The following ATP11A variants were observed in gnomAD, a reference collection of about 807,000 sequenced individuals.
ATP11A encodes ATPase phospholipid transporting 11A.
A neutral mutation model predicts 154.4 loss-of-function variants in ATP11A; 81 were observed. The ratio of observed to expected loss-of-function variants is 0.52; its 90% confidence interval spans 0.44 to 0.63. ATP11A has a LOEUF of 0.63. Among genes scored for constraint, ATP11A ranks in the 30% least tolerant of loss-of-function variants. ATP11A has a pLI of 0.00. For missense variants in ATP11A, 1,316 were observed against 1,474.3 expected (o/e 0.89, Z 1.76); for synonymous variants, 623 against 585.9 (o/e 1.06, Z -0.91).
chr13:112,835,970 C>T lies in ATP11A; in HGVS notation c.1632-208C>T, dbSNP rs143719453. On this transcript the variant is annotated intron_variant, in intron 15 of 29. Coordinates refer to ENST00000375645, the MANE Select transcript of ATP11A (RefSeq NM_015205.3). Reference sequence around the variant, plus strand: ...CGGTGCCACAGGGCCCAGACTCTGCCCCACTGGGTACACCTGCTGCGTCCT... The same window carrying T: ...CGGTGCCACAGGGCCCAGACTCTGCTCCACTGGGTACACCTGCTGCGTCCT... 7.2e-4 allele frequency among the ~76,000 whole-genome samples: 109 copies of T among 152,266 alleles called. No homozygotes were observed. In the East Asian group the frequency reaches 0.016, roughly 22 times the overall value.
At position 112,838,689 on chromosome 13, in the gene ATP11A, G is replaced by A. The variant is rs1225007887; in HGVS notation, c.1705+2438G>A. 6.6e-6 allele frequency among the ~76,000 whole-genome samples: 1 copy of A among 152,200 alleles called. No individual in the cohort carries two copies. On this transcript the variant is annotated intron_variant, in intron 16 of 29. Coordinates refer to ENST00000375645, the MANE Select transcript of ATP11A (RefSeq NM_015205.3). This position sits in a 1 kb window ranked among gnomAD's most constrained non-coding sequence, Gnocchi z 7.3. ...CGAAGAATCCGGGTTGGAGGCATTT[G>A]TGCCATGAGAATATCCCTATCCGCA...
At chr13:112,698,565 T>C (rs1408712180) in intron 1 of ATP11A, among the ~76,000 whole-genome samples, 2 of 152,166 alleles carry the variant, frequency 1.3e-5, no homozygotes, top group African/African-American at 2.4e-5. Context: ...GGCTCACTCA[T>C]GCAGGGATGC....
At chr13:112,857,081 G>A (rs1346550393) in intron 20 of ATP11A, among the ~76,000 whole-genome samples, 2 of 152,170 alleles carry the variant, frequency 1.3e-5, no homozygotes, top group African/African-American at 4.8e-5. Context: ...CGCTCTTCAT[G>A]TATTCCATAG....
chr13:112,831,508 G>C lies in ATP11A; in HGVS notation c.1355G>C (p.Gly452Ala). ...GGGCAGGTCCTCCCAGAGTCGTCAG[G>C]AATCGACATGATTGACTCGTCCCCC... ...CNGQVLPESSGIDMIDSSPSV... is the reference protein window; with the variant it reads ...CNGQVLPESSAIDMIDSSPSV... Residue 452 changes from glycine (G) to alanine (A), a missense_variant, in exon 13 of 30, where the codon GGA (glycine) becomes GCA (alanine). By Grantham distance (60) the Gly-to-Ala change is moderately conservative. Transcript: ENST00000375645. The C allele has an allele frequency of 6.2e-7, 1 of 1,614,184 alleles. No homozygotes were observed. Among genetic ancestry groups the C allele is most frequent in the Non-Finnish European group, 8.5e-7 (1 of 1,180,030 alleles).
At chr13:112,692,594 C>G (rs1313517324) in intron 1 of ATP11A, among the ~76,000 whole-genome samples, 2 of 152,170 alleles carry the variant, frequency 1.3e-5, no homozygotes, top group African/African-American at 4.8e-5. Flanking sequence ...GGTAAATATT[C>G]TTTAGTGAAC....
chr13:112,773,087 G>A lies in ATP11A; in HGVS notation c.40-12048G>A, dbSNP rs537448964. On this transcript the variant is annotated intron_variant, in intron 1 of 29. Coordinates refer to ENST00000375645, the MANE Select transcript of ATP11A (RefSeq NM_015205.3). ...GGACTCAGGAGCCTCCCAGAGCCCC[G>A]AGGGCTGTGGCCTGTGAGGTGCTCC... Among the ~76,000 whole-genome samples, 128 of 152,194 alleles carry A rather than the reference G, an allele frequency of 8.4e-4. 1 individual carries two copies. Among genetic ancestry groups the A allele is most frequent in the African/African-American group, 3.0e-3 (124 of 41,530 alleles).
chr13:112,865,096 G>T (rs1404460974), intron 25 of ATP11A, among the ~76,000 whole-genome samples: 28 of 115,436 alleles, frequency 2.4e-4, no homozygotes, highest in African/African-American at 9.3e-4. Context: ...CAGTAATTCA[G>T]TGCAGCCCAT....
In ATP11A at chr13:112,857,757, A is replaced by G. The variant is rs2079971669; in HGVS notation, c.2419-61A>G. On this transcript the variant is annotated intron_variant, in intron 20 of 29. Transcript: ENST00000375645. ...CATCTTTGTTATTTCTGCCTAGTGA[A>G]TGAATAACCTGTTCAGAAGTGAAAC... 4.4e-6 allele frequency: 6 copies of G among 1,361,902 alleles called. No individual in the cohort carries two copies. In the East Asian group the frequency reaches 1.4e-4, roughly 32 times the overall value. 84.4% of individuals were successfully genotyped at this position (1,361,902 alleles called of 1,614,324 possible).
chr13:112,752,847 A>G (rs1030788126), intron 1 of ATP11A, among the ~76,000 whole-genome samples: 1 of 152,170 alleles, frequency 6.6e-6, no homozygotes, highest in South Asian at 2.1e-4. Flanking sequence ...TTTCCAGGAA[A>G]GTCAGCCAGG....
intron 29 of ATP11A, chr13:112,880,452 T>C: frequency 9.1e-7 from 1 of 1,096,092 alleles, no homozygotes. Flanking sequence ...AGCCTCTTCC[T>C]GCTGGGGTCC....
chr13:112,734,846 G>A (rs1164201510), intron 1 of ATP11A, among the ~76,000 whole-genome samples: 1 of 152,158 alleles, frequency 6.6e-6, no homozygotes, highest in Non-Finnish European at 1.5e-5. Context: ...ACCCCAAAAG[G>A]TAAGCATGGT....
chr13:112,839,718 C>G (rs1490297780), intron 16 of ATP11A, among the ~76,000 whole-genome samples: 1 of 152,186 alleles, frequency 6.6e-6, no homozygotes, highest in African/African-American at 2.4e-5. Context: ...AAGGCTGTTC[C>G]TCACCAAGTC....
At chr13:112,701,696 G>T (rs1019144499) in intron 1 of ATP11A, among the ~76,000 whole-genome samples, 5 of 152,032 alleles carry the variant, frequency 3.3e-5, no homozygotes, top group Non-Finnish European at 7.4e-5. Context: ...AGCTGGGCGT[G>T]GTGGCGGGCG....
At chr13:112,705,380 G>A (rs1887023724) in intron 1 of ATP11A, among the ~76,000 whole-genome samples, 2 of 152,224 alleles carry the variant, frequency 1.3e-5, no homozygotes, top group African/African-American at 4.8e-5. Flanking sequence ...GCACGCGGGG[G>A]TGCTCAGCAG....
At chr13:112,751,935 G>A (rs1180132408) in intron 1 of ATP11A, among the ~76,000 whole-genome samples, 1 of 152,212 alleles carries the variant, frequency 6.6e-6, no homozygotes, top group Admixed American at 6.5e-5. Flanking sequence ...ATGCGTGTGT[G>A]TAAATACACA....
At chr13:112,787,060 C>CGGGTGTCCTGATGCGTAGACCCG in intron 2 of ATP11A, among the ~76,000 whole-genome samples, 1 of 108,336 alleles carries the variant, frequency 9.2e-6, no homozygotes, top group Non-Finnish European at 2.2e-5. Flanking sequence ...TAATTCACAC[C>CGGGTGTCCTGATGCGTAGACCCG]GGGTGTCCTG....
At chr13:112,729,802 C>T (rs544980050) in intron 1 of ATP11A, among the ~76,000 whole-genome samples, 26 of 152,198 alleles carry the variant, frequency 1.7e-4, no homozygotes, top group Admixed American at 1.5e-3. Flanking sequence ...CCTCAGCTTG[C>T]GGGAACTCTT....
chr13:112,732,719 C>G (rs760251745), intron 1 of ATP11A, among the ~76,000 whole-genome samples: 3 of 152,218 alleles, frequency 2.0e-5, no homozygotes, highest in Non-Finnish European at 2.9e-5. Flanking sequence ...TCAAGCGATT[C>G]TTACGCCTCA....
At chr13:112,806,911 T>C (rs2078338118) in intron 4 of ATP11A, among the ~76,000 whole-genome samples, 1 of 152,220 alleles carries the variant, frequency 6.6e-6, no homozygotes, top group Non-Finnish European at 1.5e-5. Flanking sequence ...TGACTGGCTC[T>C]TTCACTCAGC....
Sources: allele counts gnomAD v4.1 joint callset (sites outside exome capture counted in the v4.1 genomes callset), GRCh38; gene constraint gnomAD v4.1.1; non-coding constraint Gnocchi (gnomAD v3.1); transcripts MANE v1.5; gene names NCBI Gene and HGNC (gene_info 2026-07-23, HGNC 2026-07-21).